The following TMEM68 variants were observed in gnomAD, a reference collection of about 807,000 sequenced individuals.
TMEM68 encodes transmembrane protein 68.
A neutral mutation model predicts 36.9 loss-of-function variants in TMEM68; 25 were observed. The ratio of observed to expected loss-of-function variants is 0.68; its 90% CI spans 0.49 to 0.95. The LOEUF (loss-of-function observed/expected upper bound fraction) is 0.95. Ranked by LOEUF, TMEM68 falls within the 40% of genes least tolerant of loss-of-function variation. The probability of loss-of-function intolerance (pLI) is 0.00; values close to 1 mark genes in which losing one functional copy is unlikely to be tolerated. For synonymous variants in TMEM68, 131 were observed against 124.4 expected, an observed-to-expected ratio of 1.05 and a Z score of -0.35; for missense variants, 333 against 392.0, an observed-to-expected ratio of 0.85 and a Z score of 1.27.
At chr8:55,744,299 AT>A (rs758170217) in intron 6 of TMEM68, among the ~76,000 whole-genome samples, 220 of 19,184 alleles carry the variant, frequency 0.011, 12 homozygotes, top group African/African-American at 0.044. Context: ...GACAGACTAA[AT>A]TTTTTTTTTT....
At chr8:55,759,688 TATC>T (rs1169359099) in intron 3 of TMEM68, among the ~76,000 whole-genome samples, 2 of 152,360 alleles carry the variant, frequency 1.3e-5, no homozygotes, top group East Asian at 3.9e-4. Context: ...TATACACAGA[TATC>T]ATAATGCTGT....
At chr8:55,755,209 T>TA (rs1197478656) in intron 4 of TMEM68, among the ~76,000 whole-genome samples, 1 of 151,364 alleles carries the variant, frequency 6.6e-6, no homozygotes, top group African/African-American at 2.4e-5. Flanking sequence ...TTACACATGA[T>TA]AAGAGACATG....
intron 7 of TMEM68, among the ~76,000 whole-genome samples, 188 bp downstream of exon 7, chr8:55,743,293 A>G (rs1792738579): frequency 6.6e-6 from 1 of 151,930 alleles, no homozygotes; most frequent in Admixed American, 6.6e-5. Flanking sequence ...CACGGCCCCA[A>G]CTCCTGCCTG....
At chr8:55,744,528 C>T (rs1810212601) in intron 6 of TMEM68, among the ~76,000 whole-genome samples, 1 of 151,640 alleles carries the variant, frequency 6.6e-6, no homozygotes, top group African/African-American at 2.4e-5. Flanking sequence ...AGGATGGTCT[C>T]AATCTCCTGA....
intron 4 of TMEM68, among the ~76,000 whole-genome samples, chr8:55,754,113 TAC>T (rs1212649823): frequency 2.0e-5 from 3 of 149,366 alleles, no homozygotes; most frequent in Non-Finnish European, 1.5e-5. Flanking sequence ...AATATGTATA[TAC>T]ACACACACAC....
At chr8:55,769,018 TAAA>T (rs200493179) in intron 1 of TMEM68, among the ~76,000 whole-genome samples, 13 of 82,084 alleles carry the variant, frequency 1.6e-4, no homozygotes, top group Admixed American at 6.6e-4. Flanking sequence ...ACTCTGTCTT[TAAA>T]AAAAAAAAAA....
chr8:55,754,795 A>ATATAT (rs370735997), intron 4 of TMEM68, among the ~76,000 whole-genome samples: 101,454 of 118,014 alleles, frequency 0.86, 43,928 homozygotes, highest in East Asian at 0.99. Flanking sequence ...TATAAAATAC[A>ATATAT]TATATAATAT....
Position 55,754,695 on chromosome 8 carries a change from G to T in TMEM68, c.493+1549C>A, listed in dbSNP as rs9721011. On this transcript the variant is annotated intron_variant, in intron 4 of 7. Transcript: ENST00000434581. ...ATATTATGTAATATATATTATATAT[G>T]AAATACATACTTATATATATATTAT... Among the ~76,000 whole-genome samples the T allele has an allele frequency of 4.4e-5, 5 of 114,652 alleles. 1 individual carries two copies. In the South Asian group the frequency reaches 1.2e-3, roughly 28 times the overall value. 75.2% of individuals were successfully genotyped at this position (114,652 alleles called of 152,430 possible).
chr8:55,772,296 G>A (rs1373289683), intron 1 of TMEM68, among the ~76,000 whole-genome samples: 1 of 152,188 alleles, frequency 6.6e-6, no homozygotes, highest in Non-Finnish European at 1.5e-5. Flanking sequence ...TAGTTCTGAA[G>A]AAGTACCAAT....
intron 1 of TMEM68, among the ~76,000 whole-genome samples, chr8:55,767,515 G>A (rs898745991): frequency 2.8e-4 from 43 of 152,148 alleles, no homozygotes; most frequent in Admixed American, 1.2e-3. Flanking sequence ...AGTTTAGCAG[G>A]AAGATCAGGA....
chr8:55,747,383 G>C (rs1323978951), intron 5 of TMEM68: 1 of 152,036 alleles, frequency 6.6e-6, no homozygotes, highest in Non-Finnish European at 1.5e-5. Context: ...AAGTAAAAAA[G>C]AGCAGTCAAA....
In TMEM68 at chr8:55,762,348, T is replaced by C. The variant is rs1324626045; in HGVS notation, c.325+287A>G. Reference sequence around the variant, plus strand: ...TAAAGCAGTTTTCTACAGCTTTATTTAGTCTCTTACTCTTTTAGATGTTTT... The same window carrying C: ...TAAAGCAGTTTTCTACAGCTTTATTCAGTCTCTTACTCTTTTAGATGTTTT... On this transcript the variant is annotated intron_variant, in intron 3 of 7. Coordinates refer to ENST00000434581, the MANE Select transcript of TMEM68 (RefSeq NM_001286657.2). The C allele has an allele frequency of 7.5e-6, 3 of 400,306 alleles. No homozygotes were observed. In the Admixed American group the frequency reaches 1.3e-4, roughly 17 times the overall value. 24.8% of individuals were successfully genotyped at this position (400,306 alleles called of 1,614,324 possible).
Position 55,745,069 on chromosome 8 carries a change from C to T in TMEM68, c.740G>A (p.Gly247Glu). The T allele has an allele frequency of 6.7e-7, 1 of 1,493,204 alleles. No individual in the cohort carries two copies. 92.5% of individuals were successfully genotyped at this position (1,493,204 alleles called of 1,614,324 possible). Residue 247 changes from glycine (G) to glutamate (E), a missense_variant, in exon 6 of 8, where the codon GGA becomes GAA. By Grantham distance (98) the Gly-to-Glu change is moderately conservative (BLOSUM62 -2). Coordinates refer to ENST00000434581, the MANE Select transcript of TMEM68 (RefSeq NM_001286657.2). ...QNIREGFRSLGGTRLFRWLYE... is the reference protein window; with the variant it reads ...QNIREGFRSLEGTRLFRWLYE... The stretch of plus-strand genomic sequence containing the variant: ...TACAAATCAGAACTTACTTGTTCCT[C>T]CAAGTGATCTAAATCCTTCTCGAAT...
At chr8:55,766,082 C>T (rs556644933) in intron 1 of TMEM68, among the ~76,000 whole-genome samples, 137 of 152,202 alleles carry the variant, frequency 9.0e-4, no homozygotes, top group African/African-American at 3.2e-3. Context: ...GAAAGATAAA[C>T]AGCAGTGTAA....
intron 4 of TMEM68, chr8:55,751,459 G>A (rs1254523346): frequency 2.3e-6 from 1 of 426,484 alleles, no homozygotes; most frequent in Non-Finnish European, 4.4e-6. Context: ...TCTAAGAAGT[G>A]GCAGGGCAGA....
chr8:55,768,132 G>A (rs1353488589), intron 1 of TMEM68, among the ~76,000 whole-genome samples: 3 of 148,584 alleles, frequency 2.0e-5, no homozygotes, highest in Non-Finnish European at 4.5e-5. Context: ...CCTTCCTGTA[G>A]GAGACAGCTT....
chr8:55,769,247 C>T (rs1324405868), intron 1 of TMEM68, among the ~76,000 whole-genome samples: 9 of 133,852 alleles, frequency 6.7e-5, no homozygotes, highest in Non-Finnish European at 1.1e-4. Context: ...TGCTTGAACC[C>T]GGGAGGCAGA....
At chr8:55,743,829 T>A (rs2129909048) in intron 6 of TMEM68, among the ~76,000 whole-genome samples, 1 of 152,220 alleles carries the variant, frequency 6.6e-6, no homozygotes, top group African/African-American at 2.4e-5. Context: ...TAGGAGAAAC[T>A]AGGGGATGGT....
At chr8:55,762,534 A>G (rs1810827846) in intron 3 of TMEM68, 101 bp downstream of exon 3, 6 of 1,569,050 alleles carry the variant, frequency 3.8e-6, no homozygotes, top group Non-Finnish European at 5.2e-6. Context: ...CACTTCTATT[A>G]TATTTTTCAG....
Sources: allele counts gnomAD v4.1 joint callset (sites outside exome capture counted in the v4.1 genomes callset), GRCh38; gene constraint gnomAD v4.1.1; transcripts MANE v1.5; gene names NCBI Gene and HGNC (gene_info 2026-07-23, HGNC 2026-07-21).